ZNF236: variants seen among roughly 807,000 people sequenced by gnomAD.
ZNF236 encodes the protein regulated by glucose.
Under a neutral mutation model 191.2 loss-of-function variants are expected in ZNF236, and 50 were observed. That is an observed-to-expected ratio of 0.26 (90% CI 0.21 to 0.33). The LOEUF (loss-of-function observed/expected upper bound fraction) is 0.33, where lower values mean the gene tolerates loss of function less well. Ranked by LOEUF, ZNF236 falls within the 10% of genes least tolerant of loss-of-function variation. ZNF236 has a pLI of 1.00. For synonymous variants in ZNF236, 907 were observed against 928.8 expected, an observed-to-expected ratio of 0.98 and a Z score of 0.43; for missense variants, 1,754 against 2,374.5, an observed-to-expected ratio of 0.74 and a Z score of 5.43.
chr18:76,856,765 T>C (rs1039637036), intron 3 of ZNF236, among the ~76,000 whole-genome samples: 1 of 152,256 alleles, frequency 6.6e-6, no homozygotes, highest in Non-Finnish European at 1.5e-5. Context: ...AATTATTTCT[T>C]GGTTTCTGGT....
Position 76,937,300 on chromosome 18 carries a change from T to C in ZNF236, c.4739T>C (p.Leu1580Pro), listed in dbSNP as rs758949841. 7.4e-6 allele frequency: 12 copies of C among 1,614,052 alleles called. No individual in the cohort carries two copies. The highest frequency in any genetic ancestry group is 3.3e-5 in the South Asian group (3 of 91,066). Reference protein sequence around the residue: ...TLTLADTQGMLSGGLDTVTLN... With the variant: ...TLTLADTQGMPSGGLDTVTLN... ...ACGCTGGCCGATACTCAGGGTATGCTATCTGGAGGCCTGGACACTGTCACA... is the reference window on the plus strand; with the variant it reads ...ACGCTGGCCGATACTCAGGGTATGCCATCTGGAGGCCTGGACACTGTCACA... The change falls in exon 26 of 31, where the codon CTA (leucine) becomes CCA (proline). Residue 1580 changes from leucine to proline, a missense_variant. Leu to Pro is a moderately conservative substitution (Grantham distance 98, BLOSUM62 -3). Around this residue, in one of 5 missense-constraint regions of ZNF236, gnomAD observed 606 missense variants for 761.5 expected, o/e 0.80. Coordinates refer to ENST00000320610, the MANE Select transcript of ZNF236 (RefSeq NM_001306089.2).
chr18:76,942,720 C>T (rs1413268476), intron 26 of ZNF236, among the ~76,000 whole-genome samples: 2 of 148,878 alleles, frequency 1.3e-5, no homozygotes, highest in Non-Finnish European at 3.0e-5. Context: ...TTCACCATGT[C>T]AGCCAGGATG....
rs1485214503 is a variant in ZNF236, at chr18:76,844,584, CTG to C, written c.56-4940_56-4939del. ...TTTAGAAAGTACTCAGAAGCTGAAA[CTG>C]TTATATCTCTCATTTTAATATGAAA... is the stretch of plus-strand genomic sequence containing the variant. On this transcript the variant is annotated intron_variant, in intron 1 of 30. Transcript: ENST00000320610. Among the ~76,000 whole-genome samples the C allele has an allele frequency of 2.0e-5, 3 of 152,314 alleles. No individual in the cohort carries two copies. The East Asian group carries it at 5.8e-4, about 29-fold the overall frequency.
chr18:76,863,510 T>C (rs1244397868), intron 3 of ZNF236, among the ~76,000 whole-genome samples: 1 of 152,098 alleles, frequency 6.6e-6, no homozygotes, highest in Non-Finnish European at 1.5e-5. Context: ...CTCATCTGCC[T>C]CCATGGAAGC....
chr18:76,897,023 A>G (rs1214546710), intron 10 of ZNF236, among the ~76,000 whole-genome samples: 1 of 151,658 alleles, frequency 6.6e-6, no homozygotes, highest in Non-Finnish European at 1.5e-5. Context: ...GCACACAGGT[A>G]CCAAACAGTA....
At chr18:76,874,550 G>A (rs536367115) in intron 5 of ZNF236, among the ~76,000 whole-genome samples, 1 of 152,126 alleles carries the variant, frequency 6.6e-6, no homozygotes, top group South Asian at 2.1e-4. Context: ...TGGACATTAA[G>A]TAAAATGTAA....
At position 76,957,209 on chromosome 18, in the gene ZNF236, TAGA is replaced by T. The variant is rs137862106; in HGVS notation, c.5112+1033_5112+1035del. Among the ~76,000 whole-genome samples the T allele has an allele frequency of 4.4e-3, 670 of 152,288 alleles. 6 individuals are homozygous for T. The highest frequency in any genetic ancestry group is 0.015 in the African/African-American group (642 of 41,558). Reference sequence around the variant, plus strand: ...TGTTGTCTTTTAATGAGTGTAGGACTAGAAGAAGGGAGAGTCCTACTCAAGGAG... The same window carrying T: ...TGTTGTCTTTTAATGAGTGTAGGACTAGAAGGGAGAGTCCTACTCAAGGAG... On this transcript the variant is annotated intron_variant, in intron 28 of 30. Coordinates refer to ENST00000320610, the MANE Select transcript of ZNF236 (RefSeq NM_001306089.2).
intron 1 of ZNF236, among the ~76,000 whole-genome samples, chr18:76,842,613 T>G (rs968447741): frequency 6.8e-6 from 1 of 147,736 alleles, no homozygotes; most frequent in Non-Finnish European, 1.5e-5. Context: ...TAGCTGGGTG[T>G]GGTGGCGCAT....
intron 30 of ZNF236, among the ~76,000 whole-genome samples, chr18:76,965,118 A>G (rs991622579): frequency 2.6e-5 from 4 of 152,136 alleles, no homozygotes; most frequent in Non-Finnish European, 5.9e-5. Flanking sequence ...GATTGGGTTA[A>G]TTCGAAGACC....
chr18:76,871,751 C>G lies in ZNF236; in HGVS notation c.593C>G (p.Thr198Arg). ...CGGAATATCGACAGAAGTGGATTCACGTATTCGTGTCCGCACTGTGGAAAG... is the reference window on the plus strand; with the variant it reads ...CGGAATATCGACAGAAGTGGATTCAGGTATTCGTGTCCGCACTGTGGAAAG... ...YNRNIDRSGF[T>R]YSCPHCGKTF... The change falls in exon 5 of 31, where the codon ACG becomes AGG. Residue 198 changes from threonine (T) to arginine (R), a missense_variant. By Grantham distance (71) the Thr-to-Arg change is moderately conservative. Coordinates refer to ENST00000320610, the MANE Select transcript of ZNF236 (RefSeq NM_001306089.2). The G allele has an allele frequency of 1.2e-6, 2 of 1,614,190 alleles. No individual in the cohort carries two copies. Among genetic ancestry groups the G allele is most frequent in the Non-Finnish European group, 1.7e-6 (2 of 1,180,036 alleles).
intron 27 of ZNF236, among the ~76,000 whole-genome samples, chr18:76,951,407 G>T (rs979647025): frequency 2.0e-5 from 3 of 152,210 alleles, no homozygotes; most frequent in African/African-American, 7.2e-5. Flanking sequence ...AACACTTGCT[G>T]CTTCACCTTG....
chr18:76,918,627 T>C (rs1967444487), intron 19 of ZNF236, among the ~76,000 whole-genome samples: 1 of 152,170 alleles, frequency 6.6e-6, no homozygotes, highest in South Asian at 2.1e-4. Context: ...GGGGTCTTGC[T>C]CTGTTGCCTA....
At chr18:76,853,600 AG>A (rs1220191874) in intron 3 of ZNF236, among the ~76,000 whole-genome samples, 2 of 152,138 alleles carry the variant, frequency 1.3e-5, no homozygotes, top group African/African-American at 4.8e-5. Context: ...GCTGGGGGAT[AG>A]GGGGATTGGG....
In ZNF236 at chr18:76,894,474, C is replaced by G. The variant is rs1977342814; in HGVS notation, c.1418-539C>G. 1.3e-5 allele frequency among the ~76,000 whole-genome samples: 2 copies of G among 152,098 alleles called. 1 individual carries two copies. The highest frequency in any genetic ancestry group is 2.9e-5 in the Non-Finnish European group (2 of 68,020). On this transcript the variant is annotated intron_variant, in intron 9 of 30. Transcript: ENST00000320610. ...TTTTTCTATTAGAAATAGTTTTAAA[C>G]TTGATTCAAAATTGAGTAATAATAT...
Position 76,880,439 on chromosome 18 carries a change from C to A in ZNF236, c.1188+123C>A. 9.6e-7 allele frequency: 1 copy of A among 1,037,354 alleles called. No homozygotes were observed. Among genetic ancestry groups the A allele is most frequent in the Non-Finnish European group, 1.3e-6 (1 of 741,420 alleles). The allele number at this position is 1,037,354 out of a possible 1,614,324, so 64.3% of individuals were successfully genotyped here. On this transcript the variant is annotated intron_variant, in intron 8 of 30. Transcript: ENST00000320610. The surrounding 1 kb of genome is among the most constrained non-coding windows in gnomAD (Gnocchi z 5.0). ...TCAGGGTATCCTCATGAAAAATGTG[C>A]CTGAACCGAAAGAAATTAATATGCC...
Position 76,960,730 on chromosome 18 carries a change from G to C in ZNF236, c.5294G>C (p.Ser1765Thr), listed in dbSNP as rs766121383. 6.8e-6 allele frequency: 11 copies of C among 1,614,114 alleles called. No individual in the cohort carries two copies. Among genetic ancestry groups the C allele is most frequent in the African/African-American group, 2.7e-5 (2 of 74,940 alleles). Residue 1765 changes from serine (S) to threonine (T), a missense_variant, in exon 30 of 31, where the codon AGT becomes ACT. Around this residue, in one of 5 missense-constraint regions of ZNF236, gnomAD observed 606 missense variants for 761.5 expected, o/e 0.80. Coordinates refer to ENST00000320610, the MANE Select transcript of ZNF236 (RefSeq NM_001306089.2). This position sits in a 1 kb window ranked among gnomAD's most constrained non-coding sequence, Gnocchi z 4.4. Reference protein sequence around the residue: ...TLCEKAFNQKSALQVHMKKHT... With the variant: ...TLCEKAFNQKTALQVHMKKHT... ...TGTGAGAAAGCCTTCAACCAGAAGA[G>C]TGCGCTGCAGGTGCACATGAAGAAG...
intron 9 of ZNF236, among the ~76,000 whole-genome samples, chr18:76,882,336 T>TA (rs1311986643): frequency 1.3e-5 from 2 of 152,162 alleles, no homozygotes; most frequent in African/African-American, 2.4e-5. Context: ...CCACAGCACT[T>TA]AGAGTGTTTA....
In ZNF236 at chr18:76,878,673, C is replaced by T. The variant is rs1030494961; in HGVS notation, c.984+521C>T. Reference sequence around the variant, plus strand: ...CACCCACTCTTATTTTTTCTGTAGGCGTCTTTAGCTCAGTCTCATTTAGTT... The same window carrying T: ...CACCCACTCTTATTTTTTCTGTAGGTGTCTTTAGCTCAGTCTCATTTAGTT... On this transcript the variant is annotated intron_variant, in intron 7 of 30. Transcript: ENST00000320610. Among the ~76,000 whole-genome samples, 7 of 152,122 alleles carry T rather than the reference C, an allele frequency of 4.6e-5. No individual in the cohort carries two copies. The East Asian group carries it at 1.4e-3, about 29-fold the overall frequency.
At chr18:76,944,030 A>G (rs972084904) in intron 26 of ZNF236, among the ~76,000 whole-genome samples, 1 of 152,226 alleles carries the variant, frequency 6.6e-6, no homozygotes, top group South Asian at 2.1e-4. Context: ...AATGCCTTTC[A>G]TCAGTATCCA....
Sources: allele counts gnomAD v4.1 joint callset (sites outside exome capture counted in the v4.1 genomes callset), GRCh38; gene constraint gnomAD v4.1.1; regional missense constraint gnomAD v4.1.1; non-coding constraint Gnocchi (gnomAD v3.1); transcripts MANE v1.5; gene names NCBI Gene and HGNC (gene_info 2026-07-23, HGNC 2026-07-21).